Variants in TMEM182 observed in about 807,000 individuals in gnomAD.
TMEM182 encodes transmembrane protein 182.
A neutral mutation model predicts 26.8 loss-of-function variants in TMEM182; 20 were observed. The observed-to-expected ratio is 0.75, with a 90% CI of 0.53 to 1.09. The LOEUF (loss-of-function observed/expected upper bound fraction) is 1.09, where lower values mean the gene tolerates loss of function less well. TMEM182 is among the 50% of genes least tolerant of loss of function. The probability of loss-of-function intolerance (pLI) is 0.00; values close to 1 mark genes in which losing one functional copy is unlikely to be tolerated. For synonymous variants in TMEM182, 109 were observed against 102.2 expected, an observed-to-expected ratio of 1.07 and a Z score of -0.40; for missense variants, 277 against 275.5, an observed-to-expected ratio of 1.01 and a Z score of -0.04.
chr2:102,798,312 C>G (rs531283941), intron 4 of TMEM182, among the ~76,000 whole-genome samples: 1 of 152,244 alleles, frequency 6.6e-6, no homozygotes, highest in East Asian at 1.9e-4. Flanking sequence ...AAAACTCTGT[C>G]ACTGACTCAC....
At chr2:102,821,337 T>C (rs1220248951), downstream of TMEM182, among the ~76,000 whole-genome samples, 1 of 152,198 alleles carries the variant, frequency 6.6e-6, no homozygotes, top group Non-Finnish European at 1.5e-5. Context: ...GGGAGGTGTT[T>C]GGGTCATGAG....
intron 3 of TMEM182, among the ~76,000 whole-genome samples, chr2:102,830,897 C>G (rs1260046255): frequency 1.3e-5 from 2 of 152,146 alleles, no homozygotes; most frequent in African/African-American, 2.4e-5. Flanking sequence ...CTTCTACTCT[C>G]TATGTCCATG....
At chr2:102,836,554 T>A (rs1243302457) in intron 3 of TMEM182, among the ~76,000 whole-genome samples, 1 of 152,236 alleles carries the variant, frequency 6.6e-6, no homozygotes, top group Non-Finnish European at 1.5e-5. Flanking sequence ...GCTATGCTTT[T>A]GTCTTCCCAT....
At chr2:102,839,470 T>TATATAA (rs1177507950) in intron 3 of TMEM182, among the ~76,000 whole-genome samples, 6 of 140,376 alleles carry the variant, frequency 4.3e-5, no homozygotes, top group African/African-American at 1.1e-4. Context: ...TATATATATA[T>TATATAA]AATATATACA....
chr2:102,760,903 A>G (rs1386439252), upstream of TMEM182, among the ~76,000 whole-genome samples: 5 of 151,990 alleles, frequency 3.3e-5, no homozygotes, highest in Admixed American at 3.3e-4. Context: ...GGCCTTATTC[A>G]TAGCTTTTGA....
At chr2:102,744,174 T>C (rs895306669) in intron 1 of TMEM182, among the ~76,000 whole-genome samples, 1 of 152,196 alleles carries the variant, frequency 6.6e-6, no homozygotes, top group African/African-American at 2.4e-5. Flanking sequence ...AAAATACGTT[T>C]TAACAAGTTT....
intron 3 of TMEM182, among the ~76,000 whole-genome samples, chr2:102,765,434 G>T (rs941201099): frequency 1.3e-5 from 2 of 151,990 alleles, no homozygotes; most frequent in Non-Finnish European, 2.9e-5. Flanking sequence ...TGGGGTAGGG[G>T]GTAATCTGCT....
chr2:102,832,969 T>G (rs1683179462), intron 3 of TMEM182, among the ~76,000 whole-genome samples: 2 of 152,212 alleles, frequency 1.3e-5, no homozygotes, highest in South Asian at 4.1e-4. Context: ...CTCTAATGTC[T>G]GTGAGTCTTT....
intron 1 of TMEM182, among the ~76,000 whole-genome samples, chr2:102,744,847 T>C (rs965256099): frequency 6.6e-6 from 1 of 152,164 alleles, no homozygotes; most frequent in Non-Finnish European, 1.5e-5. Flanking sequence ...TCTTTGACTT[T>C]CAGCATTTTG....
intron 4 of TMEM182, among the ~76,000 whole-genome samples, chr2:102,804,049 A>G (rs1682255621): frequency 1.3e-5 from 2 of 152,352 alleles, no homozygotes; most frequent in East Asian, 3.9e-4. Context: ...CACACTGTGG[A>G]CAAGCGCAGG....
chr2:102,825,090 A>G (rs548888782), intron 3 of TMEM182, among the ~76,000 whole-genome samples: 1 of 152,240 alleles, frequency 6.6e-6, no homozygotes, highest in African/African-American at 2.4e-5. Context: ...TAATCATGAA[A>G]TGATGAGCCT....
At chr2:102,764,029 A>G (rs1680321778) in intron 2 of TMEM182, among the ~76,000 whole-genome samples, 1 of 152,164 alleles carries the variant, frequency 6.6e-6, no homozygotes, top group South Asian at 2.1e-4. Context: ...AGAGTATGTG[A>G]AAAAAGATGA....
chr2:102,824,196 A>G lies in TMEM182; in HGVS notation c.326-19216A>G, dbSNP rs115771738. Among the ~76,000 whole-genome samples the G allele has an allele frequency of 7.9e-4, 120 of 152,332 alleles. 1 individual carries two copies. Among genetic ancestry groups the G allele is most frequent in the African/African-American group, 2.6e-3 (110 of 41,576 alleles). ...TGCCTGGCTCAGTTGACTACATCACAGTAAATGACTATATCTTATGCTGAT... is the reference window on the plus strand; with the variant it reads ...TGCCTGGCTCAGTTGACTACATCACGGTAAATGACTATATCTTATGCTGAT... On this transcript the variant is annotated intron_variant, in intron 3 of 3. Coordinates refer to the TMEM182 transcript ENST00000486293.
At chr2:102,751,355 A>G (rs1679871111) in intron 1 of TMEM182, among the ~76,000 whole-genome samples, 1 of 152,050 alleles carries the variant, frequency 6.6e-6, no homozygotes, top group South Asian at 2.1e-4. Flanking sequence ...TTTTCTTATT[A>G]TGCAAATAAG....
At chr2:102,750,483 CATCTTT>C (rs1038131435) in intron 1 of TMEM182, among the ~76,000 whole-genome samples, 2 of 152,200 alleles carry the variant, frequency 1.3e-5, no homozygotes, top group African/African-American at 4.8e-5. Flanking sequence ...TTCCCAGAAT[CATCTTT>C]TATTTCCTCC....
chr2:102,750,056 A>T (rs1288167634), intron 1 of TMEM182, among the ~76,000 whole-genome samples: 3 of 152,060 alleles, frequency 2.0e-5, no homozygotes, highest in Non-Finnish European at 2.9e-5. Context: ...TAAATGAAGC[A>T]GGAAAAGATG....
intron 1 of TMEM182, among the ~76,000 whole-genome samples, chr2:102,737,710 A>C (rs1679398292): frequency 6.6e-6 from 1 of 152,200 alleles, no homozygotes; most frequent in Admixed American, 6.5e-5. Context: ...CAGTGAAAGG[A>C]ATTAAGTGAG....
At chr2:102,835,992 G>A (rs1214279569) in intron 3 of TMEM182, among the ~76,000 whole-genome samples, 1 of 152,140 alleles carries the variant, frequency 6.6e-6, no homozygotes, top group East Asian at 1.9e-4. Context: ...GAATCATACA[G>A]TATGTAGTCC....
chr2:102,767,903 C>T lies in TMEM182; in HGVS notation c.331+3476C>T, dbSNP rs369213642. 3.4e-4 allele frequency among the ~76,000 whole-genome samples: 52 copies of T among 152,152 alleles called. 1 individual carries two copies. The South Asian group carries it at 9.3e-3, about 27-fold the overall frequency. ...GAGCCATCTGACCTTCTTTAAGGTC[C>T]TCCATCTCAGTATCTGTCCCCTTGC... On this transcript the variant is annotated intron_variant, in intron 3 of 4. Coordinates refer to ENST00000412401, the MANE Select transcript of TMEM182 (RefSeq NM_144632.5).
Sources: gnomAD v4.1 joint callset for allele counts (sites outside exome capture counted in the v4.1 genomes callset) on GRCh38, gnomAD v4.1.1 for gene constraint, MANE v1.5 for transcripts, NCBI Gene and HGNC (gene_info 2026-07-23, HGNC 2026-07-21) for gene names.